The following CSMD1 variants were observed in gnomAD, a reference collection of about 807,000 sequenced individuals.
The protein encoded by CSMD1 is CUB and sushi domain-containing protein 1.
A neutral mutation model predicts 417.5 loss-of-function variants in CSMD1; 213 were observed. That is an observed-to-expected ratio of 0.51 (90% CI 0.46 to 0.57). The LOEUF is 0.57. Among genes scored for constraint, CSMD1 ranks in the 20% least tolerant of loss-of-function variants. CSMD1 has a pLI of 0.00. For missense variants in CSMD1, 6,923 were observed against 4,529.7 expected, an observed-to-expected ratio of 1.53 and a Z score of -15.17; for synonymous variants, 2,862 against 1,736.8, an observed-to-expected ratio of 1.65 and a Z score of -16.11.
At chr8:3,055,108 G>A (rs150711103) in intron 49 of CSMD1, among the ~76,000 whole-genome samples, 1 of 152,276 alleles carries the variant, frequency 6.6e-6, no homozygotes, top group East Asian at 1.9e-4. Context: ...GGGCAGAGCA[G>A]GGAAAGAAAT....
At chr8:3,553,008 G>C (rs1563146831) in intron 10 of CSMD1, among the ~76,000 whole-genome samples, 1 of 151,892 alleles carries the variant, frequency 6.6e-6, no homozygotes, top group Admixed American at 6.6e-5. Flanking sequence ...CGTACTGTCT[G>C]TCAATTACTG....
intron 5 of CSMD1, among the ~76,000 whole-genome samples, chr8:3,827,749 G>C (rs960141275): frequency 6.6e-6 from 1 of 152,102 alleles, no homozygotes; most frequent in Non-Finnish European, 1.5e-5. Flanking sequence ...TTCACTATAC[G>C]ATAATGAATA....
intron 50 of CSMD1, among the ~76,000 whole-genome samples, chr8:3,044,205 C>T (rs1458449337): frequency 3.3e-5 from 5 of 152,208 alleles, no homozygotes; most frequent in Non-Finnish European, 7.3e-5. Flanking sequence ...CCAGACTGTA[C>T]TGTCCTTCAT....
At chr8:3,145,975 C>A (rs138519142) in intron 40 of CSMD1, among the ~76,000 whole-genome samples, 9 of 152,228 alleles carry the variant, frequency 5.9e-5, no homozygotes, top group African/African-American at 2.2e-4. Flanking sequence ...AGAGTTAAAC[C>A]CTAGTTTTTA....
At chr8:3,479,779 C>A (rs564302534) in intron 11 of CSMD1, among the ~76,000 whole-genome samples, 26 of 151,594 alleles carry the variant, frequency 1.7e-4, no homozygotes, top group Non-Finnish European at 2.5e-4. Context: ...CCAACCCCAA[C>A]AGAAATGAAT....
chr8:3,056,932 C>G (rs1005869974), intron 49 of CSMD1, among the ~76,000 whole-genome samples: 1 of 151,974 alleles, frequency 6.6e-6, no homozygotes, highest in East Asian at 1.9e-4. Flanking sequence ...ATAGGTTGTA[C>G]TATACAATAT....
rs571907524 is a variant in CSMD1 at position 3,539,201 on chromosome 8, G to C, written c.1344+35744C>G. Among the ~76,000 whole-genome samples, 244 of 152,178 alleles carry C rather than the reference G, an allele frequency of 1.6e-3. 1 individual carries two copies. The highest frequency in any genetic ancestry group is 5.8e-3 in the African/African-American group (239 of 41,522). On this transcript the variant is annotated intron_variant, in intron 10 of 69. Transcript: ENST00000635120. ...TTGCATTTGCTGTAATTTAGGTCTGGAAGGATGTTCGCAAGGCTGCCTCAT... is the reference window on the plus strand; with the variant it reads ...TTGCATTTGCTGTAATTTAGGTCTGCAAGGATGTTCGCAAGGCTGCCTCAT...
At chr8:4,699,959 T>G (rs1284044384) in intron 1 of CSMD1, among the ~76,000 whole-genome samples, 2 of 152,210 alleles carry the variant, frequency 1.3e-5, no homozygotes, top group Admixed American at 1.3e-4. Context: ...AAGACAGGCT[T>G]GGATTCTGTA....
chr8:3,104,858 C>A (rs889403225), intron 46 of CSMD1, among the ~76,000 whole-genome samples: 2 of 152,138 alleles, frequency 1.3e-5, no homozygotes, highest in Non-Finnish European at 2.9e-5. Context: ...CAGGCATGCG[C>A]CACCACGCCC....
At chr8:3,835,801 T>A (rs1325074306) in intron 5 of CSMD1, among the ~76,000 whole-genome samples, 3 of 152,108 alleles carry the variant, frequency 2.0e-5, no homozygotes, top group Non-Finnish European at 4.4e-5. Context: ...TGTGAGTTCC[T>A]AAGAGTAATT....
In CSMD1 at chr8:3,694,761, A is replaced by G. The variant is rs569862829; in HGVS notation, c.1009+13653T>C. 2.0e-5 allele frequency among the ~76,000 whole-genome samples: 3 copies of G among 151,936 alleles called. No homozygotes were observed. In the East Asian group the frequency reaches 5.9e-4, roughly 30 times the overall value. On this transcript the variant is annotated intron_variant, in intron 7 of 69. Transcript: ENST00000635120. Reference sequence around the variant, plus strand: ...TCTGCTTCGAAAGCAACACCAAAAAAGAAGTGGAAAGAGCGGTCCAAGCAG... The same window carrying G: ...TCTGCTTCGAAAGCAACACCAAAAAGGAAGTGGAAAGAGCGGTCCAAGCAG...
intron 37 of CSMD1, among the ~76,000 whole-genome samples, chr8:3,177,029 C>T (rs1000923401): frequency 1.1e-4 from 16 of 152,082 alleles, no homozygotes; most frequent in African/African-American, 3.6e-4. Flanking sequence ...CCACTCACCA[C>T]AGCCTCCCAA....
chr8:3,350,213 C>T (rs1404360344), intron 21 of CSMD1, among the ~76,000 whole-genome samples: 1 of 119,608 alleles, frequency 8.4e-6, no homozygotes, highest in Non-Finnish European at 1.7e-5. Flanking sequence ...TGTTATAATA[C>T]CTATAATAAC....
At chr8:3,924,354 T>C (rs1408417020) in intron 5 of CSMD1, among the ~76,000 whole-genome samples, 1 of 152,158 alleles carries the variant, frequency 6.6e-6, no homozygotes, top group Non-Finnish European at 1.5e-5. Flanking sequence ...TGAGAATCAC[T>C]AAAAGCTCAA....
intron 5 of CSMD1, among the ~76,000 whole-genome samples, chr8:3,755,964 A>C (rs1237038518): frequency 6.6e-6 from 1 of 152,034 alleles, no homozygotes. Flanking sequence ...TATAGGCCAC[A>C]TACTTATTTG....
chr8:3,715,610 T>C (rs1470964391), intron 6 of CSMD1, among the ~76,000 whole-genome samples: 3 of 152,214 alleles, frequency 2.0e-5, no homozygotes. Flanking sequence ...TGACACAATC[T>C]GGACTCACTG....
intron 4 of CSMD1, among the ~76,000 whole-genome samples, chr8:4,019,132 CG>C (rs1796663499): frequency 1.3e-5 from 2 of 152,214 alleles, no homozygotes; most frequent in African/African-American, 4.8e-5. Context: ...GCCATGGTAT[CG>C]TAAGACTTAA....
chr8:4,118,270 A>G (rs927357306), intron 3 of CSMD1, among the ~76,000 whole-genome samples: 4 of 152,184 alleles, frequency 2.6e-5, no homozygotes, highest in African/African-American at 7.2e-5. Context: ...TGCCCTTAAG[A>G]AATGCTCACA....
intron 1 of CSMD1, among the ~76,000 whole-genome samples, chr8:4,692,511 A>C (rs1054844498): frequency 6.6e-6 from 1 of 152,078 alleles, no homozygotes; most frequent in East Asian, 1.9e-4. Flanking sequence ...AATATCTAAG[A>C]CATAATGTCT....
Sources: allele counts gnomAD v4.1 joint callset (sites outside exome capture counted in the v4.1 genomes callset), GRCh38; gene constraint gnomAD v4.1.1; transcripts MANE v1.5; gene names NCBI Gene and HGNC (gene_info 2026-07-23, HGNC 2026-07-21).